GMCL1: variants seen among roughly 807,000 people sequenced by gnomAD.
GMCL1 encodes the protein germ cell-less 1, spermatogenesis associated.
Under a neutral mutation model 75.5 loss-of-function variants are expected in GMCL1, and 54 were observed. That is an observed-to-expected ratio of 0.71 (90% CI 0.57 to 0.90). The LOEUF is 0.90. GMCL1 is among the 40% of genes least tolerant of loss of function. GMCL1 has a pLI of 0.00. For synonymous variants in GMCL1, 210 were observed against 209.6 expected, an observed-to-expected ratio of 1.00 and a Z score of -0.02; for missense variants, 537 against 622.7, an observed-to-expected ratio of 0.86 and a Z score of 1.47.
chr2:69,849,559 A>G (rs929982676), intron 7 of GMCL1, 93 bp from the exon 8 acceptor site: 3 of 745,216 alleles, frequency 4.0e-6, no homozygotes, highest in Non-Finnish European at 6.3e-6. Flanking sequence ...TTTTTTAGCT[A>G]TTATATTTTA....
intron 1 of GMCL1, among the ~76,000 whole-genome samples, chr2:69,833,926 A>G (rs1055151306): frequency 2.6e-5 from 4 of 152,222 alleles, no homozygotes; most frequent in African/African-American, 7.2e-5. Context: ...ATATTGTTTC[A>G]GAAGAGTTAA....
Position 69,829,733 on chromosome 2 carries a change from A to C in GMCL1, c.-160A>C. Reference sequence around the variant, plus strand: ...GCGCGACCGGACGCTGCGGGCGGGGAAGAGGATGGAGACTGTGGCGTCCGC... The same window carrying C: ...GCGCGACCGGACGCTGCGGGCGGGGCAGAGGATGGAGACTGTGGCGTCCGC... On this transcript the variant is annotated 5_prime_UTR_variant, in exon 1 of 14. Transcript: ENST00000282570. 1.3e-6 allele frequency: 1 copy of C among 762,550 alleles called. No homozygotes were observed. Among genetic ancestry groups the C allele is most frequent in the Non-Finnish European group, 2.0e-6 (1 of 499,808 alleles). 47.2% of individuals were successfully genotyped at this position (762,550 alleles called of 1,614,324 possible).
intron 13 of GMCL1, among the ~76,000 whole-genome samples, chr2:69,874,032 A>T (rs1324416033): frequency 6.6e-6 from 1 of 151,868 alleles, no homozygotes; most frequent in African/African-American, 2.4e-5. Flanking sequence ...GAACGGCATA[A>T]TATTAGTTGT....
intron 2 of GMCL1, among the ~76,000 whole-genome samples, chr2:69,838,888 ATACTAAG>A (rs1674899706): frequency 6.6e-6 from 1 of 152,234 alleles, no homozygotes; most frequent in South Asian, 2.1e-4. Context: ...TGCCTTCTAC[ATACTAAG>A]TACTCAGTAA....
intron 3 of GMCL1, 74 bp from the exon 4 acceptor site, chr2:69,840,868 C>T (rs527602960): frequency 1.8e-5 from 17 of 945,202 alleles, no homozygotes; most frequent in Middle Eastern, 4.8e-4. Flanking sequence ...TGAAGACAGT[C>T]GTTGTTGTTA....
At position 69,837,593 on chromosome 2, in the gene GMCL1, T is replaced by C; in HGVS notation, c.307T>C (p.Leu103=). ...TAAATATATTTATCAAACATTATTT[T>C]TGAATGGTGAAAACAGTGACATTAA... ...TSKYIYQTLF[L]NGENSDIKIC... The change falls in exon 2 of 14, where the codon TTG becomes CTG. Residue 103 remains leucine, a synonymous_variant. Coordinates refer to ENST00000282570, the MANE Select transcript of GMCL1 (RefSeq NM_178439.5). 1 of 1,602,922 alleles carries C rather than the reference T, an allele frequency of 6.2e-7. No homozygotes were observed. Among genetic ancestry groups the C allele is most frequent in the Non-Finnish European group, 8.5e-7 (1 of 1,175,714 alleles).
rs751590188 is a variant in GMCL1 at position 69,839,441 on chromosome 2, T to C, written c.385-16T>C. On this transcript the variant is annotated splice_polypyrimidine_tract_variant and intron_variant, in intron 2 of 13. Transcript: ENST00000282570. ...AGAAAGTACTTGATAATCGTTGACT[T>C]TTTTTTTTGTTTAAGTCTGGCTACT... 1.3e-6 allele frequency: 2 copies of C among 1,492,472 alleles called. No individual in the cohort carries two copies. The highest frequency in any genetic ancestry group is 1.4e-5 in the African/African-American group (1 of 71,354). The allele number at this position is 1,492,472 out of a possible 1,614,324, so 92.5% of individuals were successfully genotyped here.
intron 8 of GMCL1, among the ~76,000 whole-genome samples, 155 bp from the exon 9 acceptor site, chr2:69,854,668 C>A (rs915134879): frequency 4.6e-5 from 7 of 152,166 alleles, no homozygotes; most frequent in African/African-American, 1.7e-4. Flanking sequence ...ATGTTCTTAT[C>A]TGTAAACCTA....
rs1297642169 is a variant in GMCL1 at position 69,854,932 on chromosome 2, T to C, written c.1044T>C (p.Ile348=). The stretch of plus-strand genomic sequence containing the variant: ...TCAGTGATCTGGCTTCTGCAAGAAT[T>C]ATTGAACAAGATGCTGTAGTACCTT... ...YIISDLASAR[I]IEQDAVVPSE... Residue 348 remains isoleucine (I), a synonymous_variant, in exon 9 of 14, where the codon ATT becomes ATC. Coordinates refer to ENST00000282570, the MANE Select transcript of GMCL1 (RefSeq NM_178439.5). The C allele has an allele frequency of 9.9e-6, 16 of 1,608,480 alleles. No individual in the cohort carries two copies. Among genetic ancestry groups the C allele is most frequent in the Non-Finnish European group, 1.4e-5 (16 of 1,176,960 alleles).
At position 69,872,226 on chromosome 2, in the gene GMCL1, T is replaced by G. The variant is rs146187671; in HGVS notation, c.1452+394T>G. On this transcript the variant is annotated intron_variant, in intron 13 of 13. Transcript: ENST00000282570. ...TTAAAGACAATCCTGTATGTCTCCA[T>G]AGCTCCGAATATCATAAGAGCATTA... 6.2e-3 allele frequency among the ~76,000 whole-genome samples: 946 copies of G among 152,306 alleles called. 6 individuals are homozygous for G. The highest frequency in any genetic ancestry group is 6.5e-3 in the Non-Finnish European group (439 of 68,008).
chr2:69,866,031 A>G (rs1171271610), intron 11 of GMCL1, among the ~76,000 whole-genome samples: 1 of 152,124 alleles, frequency 6.6e-6, no homozygotes, highest in African/African-American at 2.4e-5. Flanking sequence ...CAGGCAGATC[A>G]TGAGGTCAGG....
intron 1 of GMCL1, among the ~76,000 whole-genome samples, chr2:69,833,863 C>T (rs1004882622): frequency 1.3e-5 from 2 of 152,180 alleles, no homozygotes; most frequent in Admixed American, 6.5e-5. Flanking sequence ...GTGTTTTGTC[C>T]GTAGCTTGTC....
At chr2:69,855,192 C>G (rs1675435160) in intron 9 of GMCL1, among the ~76,000 whole-genome samples, 1 of 151,844 alleles carries the variant, frequency 6.6e-6, no homozygotes, top group African/African-American at 2.4e-5. Flanking sequence ...AAATGATTAT[C>G]TAGTATTCTG....
intron 7 of GMCL1, among the ~76,000 whole-genome samples, chr2:69,848,959 T>C (rs1483153635): frequency 3.3e-5 from 5 of 152,158 alleles, no homozygotes; most frequent in Non-Finnish European, 4.4e-5. Context: ...CTTTTTCCCA[T>C]GTTCATTTCT....
intron 1 of GMCL1, among the ~76,000 whole-genome samples, chr2:69,832,373 A>G (rs1674699239): frequency 6.6e-6 from 1 of 152,264 alleles, no homozygotes; most frequent in East Asian, 1.9e-4. Context: ...GTAAGCATGC[A>G]GTAAATATGT....
intron 8 of GMCL1, among the ~76,000 whole-genome samples, chr2:69,851,650 T>C (rs775891277): frequency 4.0e-5 from 6 of 151,866 alleles, no homozygotes; most frequent in Non-Finnish European, 8.8e-5. Context: ...TGTACTTGTC[T>C]GTATTCCCAG....
intron 13 of GMCL1, among the ~76,000 whole-genome samples, chr2:69,872,056 G>T (rs1468919612): frequency 6.6e-6 from 1 of 152,240 alleles, no homozygotes; most frequent in Middle Eastern, 3.4e-3. Flanking sequence ...ACTGTTTGAG[G>T]GGCAGGGAAA....
rs1378348111 is a variant in GMCL1 at position 69,880,528 on chromosome 2, GT to G, written c.*1526del. On this transcript the variant is annotated 3_prime_UTR_variant, in exon 14 of 14. Transcript: ENST00000282570. ...ATGTTTCTAATACAGTGATTTGGCT[GT>G]TATCAAGAGGTTACATTTCAGCTGG... 1 of 152,148 alleles carries G rather than the reference GT, an allele frequency of 6.6e-6. No individual in the cohort carries two copies. The highest frequency in any genetic ancestry group is 1.5e-5 in the Non-Finnish European group (1 of 68,038). The allele number at this position is 152,148 out of a possible 1,614,324, so 9.4% of individuals were successfully genotyped here. A position where few individuals can be genotyped will look rare whatever the true frequency, so the allele number is the denominator to read the frequency against.
At chr2:69,852,499 A>G (rs1205275522) in intron 8 of GMCL1, among the ~76,000 whole-genome samples, 2 of 147,358 alleles carry the variant, frequency 1.4e-5, no homozygotes, top group Non-Finnish European at 2.9e-5. Context: ...TAGAAAAATC[A>G]CCTGTGATCC....
Sources: gnomAD v4.1 joint callset for allele counts (sites outside exome capture counted in the v4.1 genomes callset) on GRCh38, gnomAD v4.1.1 for gene constraint, MANE v1.5 for transcripts, NCBI Gene and HGNC (gene_info 2026-07-23, HGNC 2026-07-21) for gene names.